The following ZNF69 variants were observed in gnomAD, a reference collection of about 807,000 sequenced individuals.
ZNF69 encodes ZNF3.
A neutral mutation model predicts 50.9 loss-of-function variants in ZNF69; 47 were observed. The ratio of observed to expected loss-of-function variants is 0.92; its 90% CI spans 0.73 to 1.18. The LOEUF (loss-of-function observed/expected upper bound fraction) is 1.18. Ranked by LOEUF, ZNF69 falls within the 50% of genes most tolerant of loss-of-function variation. ZNF69 has a pLI of 0.00. For missense variants in ZNF69, 717 were observed against 675.1 expected, an observed-to-expected ratio of 1.06 and a Z score of -0.69; for synonymous variants, 216 against 223.1, an observed-to-expected ratio of 0.97 and a Z score of 0.29.
downstream of ZNF69, among the ~76,000 whole-genome samples, chr19:11,916,041 G>A (rs1478012557): frequency 6.6e-6 from 1 of 152,180 alleles, no homozygotes; most frequent in African/African-American, 2.4e-5. Context: ...GAAAGCTAGG[G>A]ATCCACAGGC....
chr19:11,945,565 G>A, the ZNF69 span, among the ~76,000 whole-genome samples: 1 of 152,092 alleles, frequency 6.6e-6, no homozygotes, highest in African/African-American at 2.4e-5. Context: ...TGCCTGACCG[G>A]CTGGGCCCCA....
At chr19:11,917,635 A>ATTTGTTTG (rs113207777), downstream of ZNF69, among the ~76,000 whole-genome samples, 15,416 of 151,112 alleles carry the variant, frequency 0.1, 1,391 homozygotes, top group African/African-American at 0.24. Flanking sequence ...GAATTTATTT[A>ATTTGTTTG]TTTGTTTGTT....
intron 1 of ZNF69, among the ~76,000 whole-genome samples, chr19:11,890,796 G>A (rs1977066910): frequency 6.6e-6 from 1 of 152,148 alleles, no homozygotes; most frequent in Admixed American, 6.6e-5. Flanking sequence ...ATAGGTTGAA[G>A]CCTCAGCTTT....
chr19:11,901,994 T>C (rs1972255508), intron 1 of ZNF69, among the ~76,000 whole-genome samples: 1 of 150,022 alleles, frequency 6.7e-6, no homozygotes, highest in Non-Finnish European at 1.5e-5. Flanking sequence ...TTTTTTTTTT[T>C]TTTTGAATCG....
At chr19:11,888,033 G>C in intron 1 of ZNF69, 47 bp downstream of exon 1, 1 of 1,583,614 alleles carries the variant, frequency 6.3e-7, no homozygotes, top group Non-Finnish European at 8.6e-7. Context: ...GGGGCTGCCT[G>C]GACCGACCGG....
At chr19:11,903,822 C>T in intron 2 of ZNF69, 83 bp from the exon 3 acceptor site, 1 of 1,604,744 alleles carries the variant, frequency 6.2e-7, no homozygotes, top group South Asian at 1.1e-5. Context: ...GGTATGGCTG[C>T]AGTAAATCAT....
the ZNF69 span, among the ~76,000 whole-genome samples, chr19:11,971,160 A>G: frequency 6.6e-6 from 1 of 152,184 alleles, no homozygotes; most frequent in African/African-American, 2.4e-5. Context: ...TGTTTCTGAC[A>G]GTTCTTGAGG....
chr19:11,904,701 G>A lies in ZNF69; in HGVS notation c.304G>A (p.Glu102Lys). 1 of 1,613,864 alleles carries A rather than the reference G, an allele frequency of 6.2e-7. No homozygotes were observed. The highest frequency in any genetic ancestry group is 1.1e-5 in the South Asian group (1 of 91,038). ...NEIKDDSHCG[E>K]TFTQVPDDRL... ...AATTAAAGATGACAGTCATTGTGGA[G>A]AAACTTTTACCCAGGTTCCAGATGA... is the stretch of plus-strand genomic sequence containing the variant. Residue 102 changes from glutamate (E) to lysine (K), a missense_variant, in exon 4 of 4, where the codon GAA becomes AAA. Transcript: ENST00000429654.
At chr19:11,947,162 C>T in the ZNF69 span, 4 of 1,611,978 alleles carry the variant, frequency 2.5e-6, no homozygotes, top group Non-Finnish European at 2.5e-6. Context: ...TCTTCCTCTA[C>T]ACATGTGAGA....
chr19:11,911,709 T>C (rs898735982), intron 4 of ZNF69, among the ~76,000 whole-genome samples: 4 of 152,034 alleles, frequency 2.6e-5, no homozygotes, highest in Non-Finnish European at 4.4e-5. Flanking sequence ...CTGGGAGATA[T>C]ACCTAATATG....
chr19:11,943,039 G>T, the ZNF69 span, among the ~76,000 whole-genome samples: 1 of 152,144 alleles, frequency 6.6e-6, no homozygotes, highest in East Asian at 1.9e-4. Flanking sequence ...GTGGACCAAG[G>T]TAGTGACAAA....
the ZNF69 span, among the ~76,000 whole-genome samples, chr19:11,940,427 G>A: frequency 6.6e-6 from 1 of 152,134 alleles, no homozygotes; most frequent in East Asian, 1.9e-4. Flanking sequence ...TGGGTTTGTG[G>A]TCTCGCTGGC....
At chr19:11,939,366 A>T in the ZNF69 span, among the ~76,000 whole-genome samples, 1 of 152,134 alleles carries the variant, frequency 6.6e-6, no homozygotes, top group Admixed American at 6.6e-5. Flanking sequence ...TAGGTCTAAC[A>T]TTTAAGTCTT....
At chr19:11,957,123 G>A in the ZNF69 span, among the ~76,000 whole-genome samples, 2,152 of 146,560 alleles carry the variant, frequency 0.015, 24 homozygotes, top group South Asian at 0.024. Context: ...ATGGGGTCTC[G>A]CTCTGTCGCC....
intron 1 of ZNF69, among the ~76,000 whole-genome samples, chr19:11,897,654 CA>C (rs1349655198): frequency 6.6e-6 from 1 of 150,540 alleles, no homozygotes; most frequent in African/African-American, 2.4e-5. Context: ...GGGTGGATCA[CA>C]AGGTCAGGAG....
chr19:11,917,222 G>C (rs564910321), downstream of ZNF69, among the ~76,000 whole-genome samples: 13 of 152,298 alleles, frequency 8.5e-5, no homozygotes, highest in East Asian at 1.9e-3. Flanking sequence ...CTGGAGAATT[G>C]ATTGGTGTTC....
chr19:11,906,949 C>T (rs1439894033), downstream of ZNF69, among the ~76,000 whole-genome samples: 1 of 152,112 alleles, frequency 6.6e-6, no homozygotes, highest in African/African-American at 2.4e-5. Context: ...GACAAAATGG[C>T]TAACTAGAAT....
At chr19:11,933,380 A>G in the ZNF69 span, among the ~76,000 whole-genome samples, 1 of 148,346 alleles carries the variant, frequency 6.7e-6, no homozygotes, top group Non-Finnish European at 1.5e-5. Context: ...ATTATTACCT[A>G]AAGTCCATCT....
At chr19:11,892,135 ATTTTTTTTT>A (rs4071659) in intron 1 of ZNF69, among the ~76,000 whole-genome samples, 7 of 113,936 alleles carry the variant, frequency 6.1e-5, no homozygotes, top group Admixed American at 3.7e-4. Context: ...CTCCTGGCTG[ATTTTTTTTT>A]TTTTTTTTTT....
Sources: gnomAD v4.1 joint callset for allele counts (sites outside exome capture counted in the v4.1 genomes callset) on GRCh38, gnomAD v4.1.1 for gene constraint, MANE v1.5 for transcripts, NCBI Gene and HGNC (gene_info 2026-07-23, HGNC 2026-07-21) for gene names.